Variants in GABBR2 observed in about 807,000 individuals in gnomAD.
The protein encoded by GABBR2 is G-protein coupled receptor 51.
In GABBR2, 23 loss-of-function variants were observed where a neutral mutation model predicts 105.6. The observed-to-expected ratio is 0.22, with a 90% CI of 0.16 to 0.31. GABBR2 has a LOEUF of 0.31. Among genes scored for constraint, GABBR2 ranks in the 10% least tolerant of loss-of-function variants. GABBR2 has a pLI of 1.00. For synonymous variants in GABBR2, 478 were observed against 499.7 expected, an observed-to-expected ratio of 0.96 and a Z score of 0.58; for missense variants, 734 against 1,245.5, an observed-to-expected ratio of 0.59 and a Z score of 6.18.
chr9:98,659,526 C>CTTTTTTTTT (rs149511264), intron 1 of GABBR2, among the ~76,000 whole-genome samples: 5 of 35,182 alleles, frequency 1.4e-4, no homozygotes, highest in Non-Finnish European at 2.2e-4. Context: ...CTTTTCTTTT[C>CTTTTTTTTT]TTTTTTTTTT....
intron 13 of GABBR2, among the ~76,000 whole-genome samples, chr9:98,323,227 C>T (rs184784962): frequency 1.3e-5 from 2 of 152,310 alleles, no homozygotes; most frequent in African/African-American, 4.8e-5. Context: ...TGTGGCGGGA[C>T]TGGGTAGAAG....
At chr9:98,315,784 C>G (rs1256280162) in intron 13 of GABBR2, among the ~76,000 whole-genome samples, 1 of 152,252 alleles carries the variant, frequency 6.6e-6, no homozygotes, top group Non-Finnish European at 1.5e-5. Context: ...GGACACAGAA[C>G]TACCAACTAC....
chr9:98,324,952 G>A (rs568566768), intron 13 of GABBR2, among the ~76,000 whole-genome samples: 35 of 151,898 alleles, frequency 2.3e-4, no homozygotes, highest in East Asian at 3.9e-4. Context: ...ACACACACAC[G>A]CACACACATA....
chr9:98,300,281 AGGAGTTAATCAGGATG>A (rs1206290834), intron 16 of GABBR2, among the ~76,000 whole-genome samples: 2 of 152,004 alleles, frequency 1.3e-5, no homozygotes, highest in African/African-American at 2.4e-5. Context: ...TCTCACTCAG[AGGAGTTAATCAGGATG>A]GGTCCCAGTC....
chr9:98,425,186 T>C (rs542521209), intron 7 of GABBR2, among the ~76,000 whole-genome samples: 79 of 152,104 alleles, frequency 5.2e-4, no homozygotes, highest in Admixed American at 1.0e-3. Context: ...ACATAGGGAA[T>C]GGCAGTGAGA....
At chr9:98,544,301 A>G (rs1828362607) in intron 2 of GABBR2, among the ~76,000 whole-genome samples, 1 of 152,108 alleles carries the variant, frequency 6.6e-6, no homozygotes, top group Admixed American at 6.5e-5. Flanking sequence ...GGCAGTAGAG[A>G]TTTGTCCCTT....
intron 6 of GABBR2, among the ~76,000 whole-genome samples, chr9:98,462,540 T>C (rs990445145): frequency 6.6e-6 from 1 of 152,180 alleles, no homozygotes; most frequent in African/African-American, 2.4e-5. Flanking sequence ...CCAATGAAGA[T>C]ATGAAAACAT....
At chr9:98,679,305 A>G (rs1219937622) in intron 1 of GABBR2, among the ~76,000 whole-genome samples, 3 of 152,244 alleles carry the variant, frequency 2.0e-5, no homozygotes, top group Non-Finnish European at 4.4e-5. Flanking sequence ...CCTGTGAGAA[A>G]CCACAGGACC....
chr9:98,623,603 C>G (rs1206042836), intron 1 of GABBR2, among the ~76,000 whole-genome samples: 100 of 152,178 alleles, frequency 6.6e-4, no homozygotes, highest in Admixed American at 6.5e-3. Flanking sequence ...TTCCTACCTT[C>G]TAGAGGCCAC....
chr9:98,509,034 G>A (rs1166165624), intron 3 of GABBR2, among the ~76,000 whole-genome samples: 1 of 152,214 alleles, frequency 6.6e-6, no homozygotes, highest in Non-Finnish European at 1.5e-5. Flanking sequence ...GGGGCAGACT[G>A]ACACCTCACA....
intron 3 of GABBR2, among the ~76,000 whole-genome samples, chr9:98,509,187 A>G (rs1827582180): frequency 6.6e-6 from 1 of 152,226 alleles, no homozygotes; most frequent in African/African-American, 2.4e-5. Context: ...AGCAAACTCC[A>G]ACAGACCTGC....
chr9:98,472,009 C>T (rs1358967791), intron 6 of GABBR2, among the ~76,000 whole-genome samples: 3 of 152,150 alleles, frequency 2.0e-5, no homozygotes, highest in African/African-American at 7.2e-5. Flanking sequence ...TTTGCCATTT[C>T]TTGACAAATC....
intron 3 of GABBR2, chr9:98,538,551 A>G (rs1828226331): frequency 1.0e-6 from 1 of 961,656 alleles, no homozygotes; most frequent in East Asian, 1.1e-4. Context: ...CTTACCTTGA[A>G]ACTCAGAGGT....
chr9:98,390,173 G>C (rs892457670), intron 9 of GABBR2, among the ~76,000 whole-genome samples: 1 of 152,040 alleles, frequency 6.6e-6, no homozygotes, highest in African/African-American at 2.4e-5. Flanking sequence ...TCAGGAGCTC[G>C]AGACCAGCCT....
chr9:98,521,251 A>G (rs961171730), intron 3 of GABBR2, among the ~76,000 whole-genome samples: 1 of 152,322 alleles, frequency 6.6e-6, no homozygotes, highest in Middle Eastern at 3.4e-3. Flanking sequence ...TCTGCTAGGT[A>G]CAGTGCCAAC....
intron 2 of GABBR2, among the ~76,000 whole-genome samples, chr9:98,565,090 AC>A (rs954710828): frequency 2.5e-4 from 38 of 152,182 alleles, no homozygotes; most frequent in African/African-American, 8.9e-4. Flanking sequence ...GGGGAAGGCC[AC>A]CAGAAAGGCT....
At chr9:98,473,926 C>T (rs1826738287) in intron 5 of GABBR2, among the ~76,000 whole-genome samples, 1 of 152,068 alleles carries the variant, frequency 6.6e-6, no homozygotes, top group African/African-American at 2.4e-5. Flanking sequence ...ATAACACAAC[C>T]CAGGGGGAAT....
chr9:98,676,698 C>T (rs1481370817), intron 1 of GABBR2, among the ~76,000 whole-genome samples: 1 of 152,128 alleles, frequency 6.6e-6, no homozygotes, highest in African/African-American at 2.4e-5. Context: ...GATGGGACAA[C>T]AAGAGTTAAG....
chr9:98,450,912 TCAGGCA>T (rs1826218659), intron 7 of GABBR2, among the ~76,000 whole-genome samples: 1 of 152,220 alleles, frequency 6.6e-6, no homozygotes, highest in African/African-American at 2.4e-5. Context: ...CTAAGATCTA[TCAGGCA>T]CCTAGGCAAA....
Sources: allele counts gnomAD v4.1 joint callset (sites outside exome capture counted in the v4.1 genomes callset), GRCh38; gene constraint gnomAD v4.1.1; transcripts MANE v1.5; gene names NCBI Gene and HGNC (gene_info 2026-07-23, HGNC 2026-07-21).